KCNB2: variants seen among roughly 807,000 people sequenced by gnomAD.
KCNB2 encodes the protein delayed rectifier potassium channel protein.
In KCNB2, 15 loss-of-function variants were observed where a neutral mutation model predicts 61.5. The ratio of observed to expected loss-of-function variants is 0.24; its 90% CI spans 0.16 to 0.38. The LOEUF (loss-of-function observed/expected upper bound fraction) is 0.38, where lower values mean the gene tolerates loss of function less well. Among genes scored for constraint, KCNB2 ranks in the 10% least tolerant of loss-of-function variants. The probability of loss-of-function intolerance (pLI) is 1.00; values close to 1 mark genes in which losing one functional copy is unlikely to be tolerated. For synonymous variants in KCNB2, 457 were observed against 446.0 expected, an observed-to-expected ratio of 1.02 and a Z score of -0.31; for missense variants, 828 against 1,125.2, an observed-to-expected ratio of 0.74 and a Z score of 3.78.
At chr8:72,563,638 G>C (rs1460930551) in intron 1 of KCNB2, among the ~76,000 whole-genome samples, 1 of 152,034 alleles carries the variant, frequency 6.6e-6, no homozygotes, top group African/African-American at 2.4e-5. Context: ...ACAGACATGG[G>C]GGAAGGTAAG....
chr8:72,665,840 C>G (rs530135217), intron 2 of KCNB2, among the ~76,000 whole-genome samples: 1 of 152,350 alleles, frequency 6.6e-6, no homozygotes, highest in South Asian at 2.1e-4. Context: ...AGACTAGCTG[C>G]CTCCCATCAA....
chr8:72,584,288 G>A (rs1428222572), intron 2 of KCNB2, among the ~76,000 whole-genome samples: 1 of 152,068 alleles, frequency 6.6e-6, no homozygotes, highest in African/African-American at 2.4e-5. Flanking sequence ...ATAAATATGA[G>A]GGAGTCCATG....
At chr8:72,744,251 A>G (rs911982317) in intron 2 of KCNB2, among the ~76,000 whole-genome samples, 9 of 152,180 alleles carry the variant, frequency 5.9e-5, no homozygotes, top group African/African-American at 1.9e-4. Flanking sequence ...TTGCTCTTTC[A>G]TATGTGTATG....
intron 2 of KCNB2, among the ~76,000 whole-genome samples, chr8:72,590,158 A>C (rs1052418063): frequency 5.3e-5 from 8 of 152,204 alleles, no homozygotes; most frequent in African/African-American, 1.9e-4. Context: ...TTACTCTTCA[A>C]AATTTTAAAG....
At chr8:72,754,550 T>C (rs1808253259) in intron 2 of KCNB2, among the ~76,000 whole-genome samples, 2 of 152,178 alleles carry the variant, frequency 1.3e-5, no homozygotes, top group Admixed American at 6.5e-5. Context: ...TAGCCCTGAA[T>C]GTAGGTGCAG....
intron 2 of KCNB2, among the ~76,000 whole-genome samples, chr8:72,668,017 C>T (rs940215124): frequency 6.6e-5 from 10 of 152,202 alleles, no homozygotes; most frequent in African/African-American, 2.4e-4. Context: ...ACTAGTTGTA[C>T]TCATGGTTAT....
intron 2 of KCNB2, among the ~76,000 whole-genome samples, chr8:72,713,119 G>C (rs1028846794): frequency 6.6e-6 from 1 of 152,160 alleles, no homozygotes; most frequent in Non-Finnish European, 1.5e-5. Context: ...GGGGAGGGGC[G>C]CCCGCCATTG....
intron 2 of KCNB2, among the ~76,000 whole-genome samples, chr8:72,752,847 C>T (rs765224674): frequency 3.3e-5 from 5 of 152,218 alleles, no homozygotes; most frequent in Non-Finnish European, 7.3e-5. Flanking sequence ...ATATCACACA[C>T]ACTCTACTCA....
At chr8:72,746,888 G>C (rs572953662) in intron 2 of KCNB2, among the ~76,000 whole-genome samples, 1 of 152,086 alleles carries the variant, frequency 6.6e-6, no homozygotes, top group South Asian at 2.1e-4. Context: ...TTGTCTTGGC[G>C]CCTCAGTTTA....
chr8:72,661,445 T>A (rs963704924), intron 2 of KCNB2: 2 of 152,260 alleles, frequency 1.3e-5, no homozygotes, highest in Non-Finnish European at 2.9e-5. Flanking sequence ...ATTCGTATTG[T>A]CTTCTTCAAG....
intron 2 of KCNB2, among the ~76,000 whole-genome samples, chr8:72,696,018 T>C (rs1807012181): frequency 6.6e-6 from 1 of 152,192 alleles, no homozygotes; most frequent in Admixed American, 6.6e-5. Context: ...ACTGAGAAAG[T>C]GATTTTCCTA....
At chr8:72,622,018 A>G (rs775548966) in intron 2 of KCNB2, among the ~76,000 whole-genome samples, 5 of 152,196 alleles carry the variant, frequency 3.3e-5, no homozygotes, top group Non-Finnish European at 5.9e-5. Context: ...ATATGTTTGT[A>G]TTATCTATAA....
At chr8:72,686,710 T>C (rs1806859368) in intron 2 of KCNB2, among the ~76,000 whole-genome samples, 1 of 152,164 alleles carries the variant, frequency 6.6e-6, no homozygotes, top group African/African-American at 2.4e-5. Context: ...GGGTGATAAA[T>C]AATTTTCTAA....
intron 2 of KCNB2, among the ~76,000 whole-genome samples, chr8:72,684,232 C>T (rs982644030): frequency 2.0e-5 from 3 of 152,252 alleles, no homozygotes; most frequent in South Asian, 4.1e-4. Flanking sequence ...TTGAGCCAAG[C>T]GTGTGGTCAC....
In KCNB2 at chr8:72,618,347, T is replaced by A. The variant is rs1473150097; in HGVS notation, c.579+50034T>A. 5.9e-5 allele frequency among the ~76,000 whole-genome samples: 9 copies of A among 152,338 alleles called. No homozygotes were observed. In the East Asian group the frequency reaches 1.7e-3, roughly 29 times the overall value. ...AGAAACTCTCCTTCTTTTTCTTGCC[T>A]ATTAATTCACCCTAAGTATTAGTTT... On this transcript the variant is annotated intron_variant, in intron 2 of 2. Coordinates refer to ENST00000523207, the MANE Select transcript of KCNB2 (RefSeq NM_004770.3).
At chr8:72,742,259 G>A (rs1260589482) in intron 2 of KCNB2, among the ~76,000 whole-genome samples, 1 of 152,178 alleles carries the variant, frequency 6.6e-6, no homozygotes, top group African/African-American at 2.4e-5. Context: ...TTCCATCTGA[G>A]TAGAAGTTTC....
chr8:72,708,791 A>AT (rs1402110225), intron 2 of KCNB2, among the ~76,000 whole-genome samples: 1 of 152,012 alleles, frequency 6.6e-6, no homozygotes, highest in African/African-American at 2.4e-5. Context: ...TTTTGCCTCT[A>AT]TTTTTTCTTA....
intron 2 of KCNB2, among the ~76,000 whole-genome samples, chr8:72,629,105 A>G (rs575809286): frequency 3.9e-5 from 6 of 152,334 alleles, no homozygotes; most frequent in South Asian, 2.1e-4. Context: ...GTGTCACACA[A>G]TAGTCTTGAT....
chr8:72,668,822 A>T (rs994540731), intron 2 of KCNB2, among the ~76,000 whole-genome samples: 1 of 152,110 alleles, frequency 6.6e-6, no homozygotes, highest in African/African-American at 2.4e-5. Context: ...GACAGGGTTC[A>T]TGTTATTCCT....
Sources: allele counts gnomAD v4.1 joint callset (sites outside exome capture counted in the v4.1 genomes callset), GRCh38; gene constraint gnomAD v4.1.1; transcripts MANE v1.5; gene names NCBI Gene and HGNC (gene_info 2026-07-23, HGNC 2026-07-21).